IQCH: variants seen among roughly 807,000 people sequenced by gnomAD.
IQCH encodes the protein IQ motif containing H.
In IQCH, 98 loss-of-function variants were observed where a neutral mutation model predicts 117.0. The observed-to-expected ratio is 0.84, with a 90% CI of 0.71 to 0.99. The LOEUF (loss-of-function observed/expected upper bound fraction) is 0.99. Ranked by LOEUF, IQCH falls within the 50% of genes least tolerant of loss-of-function variation. The probability of loss-of-function intolerance (pLI) is 0.00; values close to 1 mark genes in which losing one functional copy is unlikely to be tolerated. For synonymous variants in IQCH, 412 were observed against 448.2 expected, an observed-to-expected ratio of 0.92 and a Z score of 1.02; for missense variants, 1,102 against 1,243.8, an observed-to-expected ratio of 0.89 and a Z score of 1.72.
In IQCH at chr15:67,340,426, C is replaced by CAAAAAAAAAAAAAAAAA. The variant is rs57244130; in HGVS notation, c.508+3353_508+3369dup. Among the ~76,000 whole-genome samples the CAAAAAAAAAAAAAAAAA allele has an allele frequency of 2.6e-4, 16 of 62,658 alleles. 2 individuals are homozygous for CAAAAAAAAAAAAAAAAA. Among genetic ancestry groups the CAAAAAAAAAAAAAAAAA allele is most frequent in the African/African-American group, 6.5e-4 (10 of 15,444 alleles). The allele number at this position is 62,658 out of a possible 152,430, so 41.1% of individuals were successfully genotyped here. A position where few individuals can be genotyped will look rare whatever the true frequency, so the allele number is the denominator to read the frequency against. On this transcript the variant is annotated intron_variant, in intron 5 of 20. Transcript: ENST00000335894. ...TGGGCAACAGAGAGATACTCCATCT[C>CAAAAAAAAAAAAAAAAA]AAAAAAAAAAAAAAAAAAAAAAAAA... is the stretch of plus-strand genomic sequence containing the variant.
At position 67,357,812 on chromosome 15, in the gene IQCH, T is replaced by C. The variant is rs190892049; in HGVS notation, c.714+391T>C. On this transcript the variant is annotated intron_variant, in intron 7 of 20. Coordinates refer to ENST00000335894, the MANE Select transcript of IQCH (RefSeq NM_001031715.3). Reference sequence around the variant, plus strand: ...GCTAAAAAGGCAAGATCTCCAAACATAGAATACCTTAATGAAGCAGGGGAA... The same window carrying C: ...GCTAAAAAGGCAAGATCTCCAAACACAGAATACCTTAATGAAGCAGGGGAA... 2.0e-3 allele frequency among the ~76,000 whole-genome samples: 301 copies of C among 152,124 alleles called. 1 individual carries two copies. Among genetic ancestry groups the C allele is most frequent in the African/African-American group, 6.7e-3 (276 of 41,492 alleles).
intron 2 of IQCH, 114 bp from the exon 3 acceptor site, chr15:67,263,008 G>C: frequency 1.5e-6 from 1 of 685,560 alleles, no homozygotes; most frequent in Non-Finnish European, 2.6e-6. Flanking sequence ...ATAATACATA[G>C]CATGTTGTGG....
rs1460971887 is a variant in IQCH, at chr15:67,405,110, A to G, written c.2097+4805A>G. On this transcript the variant is annotated intron_variant, in intron 14 of 20. Transcript: ENST00000335894. This position sits in a 1 kb window ranked among gnomAD's most constrained non-coding sequence, Gnocchi z 4.8. The stretch of plus-strand genomic sequence containing the variant: ...TACTAGCAAGGGATATTCTTTTTTC[A>G]TGTCCTTATTATTTGTGTTTTATAT... 1.3e-5 allele frequency: 2 copies of G among 152,022 alleles called. No homozygotes were observed. Among genetic ancestry groups the G allele is most frequent in the Non-Finnish European group, 2.9e-5 (2 of 67,986 alleles). 9.4% of individuals were successfully genotyped at this position (152,022 alleles called of 1,614,324 possible). A position where few individuals can be genotyped will look rare whatever the true frequency, so the allele number is the denominator to read the frequency against.
At position 67,494,223 on chromosome 15, in the gene IQCH, G is replaced by C. The variant is rs1008301222; in HGVS notation, c.2862-35G>C. 1 of 1,487,412 alleles carries C rather than the reference G, an allele frequency of 6.7e-7. No homozygotes were observed. The highest frequency in any genetic ancestry group is 2.3e-5 in the East Asian group (1 of 42,958). The allele number at this position is 1,487,412 out of a possible 1,614,324, so 92.1% of individuals were successfully genotyped here. ...TGTTTTTAAGCATGTGAAGGGAATC[G>C]TTGGTAAACTCATTTGTTTGGATAT... On this transcript the variant is annotated intron_variant, in intron 19 of 20. Transcript: ENST00000335894. The surrounding 1 kb of genome is among the most constrained non-coding windows in gnomAD (Gnocchi z 5.5).
chr15:67,337,143 G>C (rs1425593051), intron 5 of IQCH, 48 bp downstream of exon 5: 2 of 1,605,434 alleles, frequency 1.2e-6, no homozygotes, highest in African/African-American at 1.3e-5. Flanking sequence ...GGAAAAGAAA[G>C]AGCATTGAGG....
At chr15:67,451,799 G>A (rs1276332660) in intron 16 of IQCH, among the ~76,000 whole-genome samples, 1 of 152,134 alleles carries the variant, frequency 6.6e-6, no homozygotes, top group Non-Finnish European at 1.5e-5. Flanking sequence ...CTGTCTCGTC[G>A]ATCTGTCTAA....
At chr15:67,310,100 T>C (rs990093697) in intron 4 of IQCH, among the ~76,000 whole-genome samples, 1 of 124,864 alleles carries the variant, frequency 8.0e-6, no homozygotes, top group Non-Finnish European at 1.8e-5. Flanking sequence ...AAGTGAGTAA[T>C]AGGATTTAAT....
chr15:67,389,456 G>C (rs1175020450), intron 12 of IQCH, among the ~76,000 whole-genome samples: 1 of 152,000 alleles, frequency 6.6e-6, no homozygotes, highest in Admixed American at 6.6e-5. Flanking sequence ...ATATCAGATG[G>C]TTCCTAATGA....
In IQCH at chr15:67,413,070, GGTGTGTGTGTGT is replaced by G. The variant is rs35806920; in HGVS notation, c.2098-3842_2098-3831del. Reference sequence around the variant, plus strand: ...ATTGGAGTGTTTGTCTGTTATGGAAGGTGTGTGTGTGTGTGTGTGTGTGTGTGTGTCTGTGTG... The same window carrying G: ...ATTGGAGTGTTTGTCTGTTATGGAAGGTGTGTGTGTGTGTGTGTCTGTGTG... On this transcript the variant is annotated intron_variant, in intron 14 of 20. Transcript: ENST00000335894. This position sits in a 1 kb window ranked among gnomAD's most constrained non-coding sequence, Gnocchi z 5.0. 1.3e-4 allele frequency among the ~76,000 whole-genome samples: 19 copies of G among 147,864 alleles called. No individual in the cohort carries two copies. The highest frequency in any genetic ancestry group is 4.5e-4 in the African/African-American group (18 of 40,412).
intron 4 of IQCH, among the ~76,000 whole-genome samples, chr15:67,306,655 C>G (rs1178726987): frequency 6.6e-6 from 1 of 152,050 alleles, no homozygotes; most frequent in Non-Finnish European, 1.5e-5. Context: ...ATACCCCCTG[C>G]CACACACACA....
intron 4 of IQCH, among the ~76,000 whole-genome samples, chr15:67,325,855 A>G (rs1968382394): frequency 6.6e-6 from 1 of 152,188 alleles, no homozygotes; most frequent in Admixed American, 6.5e-5. Flanking sequence ...AGTATGTGCC[A>G]TAGACTTTTA....
Position 67,475,702 on chromosome 15 carries a change from G to A in IQCH, c.2683G>A (p.Ala895Thr), listed in dbSNP as rs1567219322. Reference sequence around the variant, plus strand: ...CAGTTGTGCTCCTTTCCAGATGCTGGCAACCAGTCGCTATGCAGTGATGAC... The same window carrying A: ...CAGTTGTGCTCCTTTCCAGATGCTGACAACCAGTCGCTATGCAGTGATGAC... ...CMSALSMPML[A>T]TSRYAVMTTQ... Residue 895 changes from alanine to threonine, a missense_variant, in exon 18 of 21, where the codon GCA (alanine) becomes ACA (threonine). By Grantham distance (58) the Ala-to-Thr change is moderately conservative (BLOSUM62 0). This residue lies in a region of IQCH where 650 missense variants were observed against 794.3 expected (regional missense o/e 0.82). Transcript: ENST00000335894. This position sits in a 1 kb window ranked among gnomAD's most constrained non-coding sequence, Gnocchi z 5.7. 6.2e-7 allele frequency: 1 copy of A among 1,613,734 alleles called. No homozygotes were observed. The highest frequency in any genetic ancestry group is 8.5e-7 in the Non-Finnish European group (1 of 1,179,818).
chr15:67,281,570 G>T (rs1966358085), intron 4 of IQCH: 1 of 382,248 alleles, frequency 2.6e-6, no homozygotes, highest in Non-Finnish European at 5.2e-6. Flanking sequence ...AGAGAGAATA[G>T]ATGGCAAATG....
chr15:67,400,359 G>A, intron 14 of IQCH, 54 bp downstream of exon 14: 2 of 1,334,866 alleles, frequency 1.5e-6, no homozygotes, highest in South Asian at 1.2e-5. Context: ...GTTAGGGGAC[G>A]AAGCAAAAAG....
chr15:67,414,654 CA>C (rs75110547), intron 14 of IQCH, among the ~76,000 whole-genome samples: 1,488 of 135,884 alleles, frequency 0.011, 23 homozygotes, highest in African/African-American at 0.038. Context: ...TCCCCAACAC[CA>C]AAAAAAAAAT....
rs1969203328 is a variant in IQCH at position 67,342,140 on chromosome 15, T to C, written c.509-1923T>C. Among the ~76,000 whole-genome samples, 2 of 150,738 alleles carry C rather than the reference T, an allele frequency of 1.3e-5. No individual in the cohort carries two copies. Among genetic ancestry groups the C allele is most frequent in the African/African-American group, 4.9e-5 (2 of 41,010 alleles). On this transcript the variant is annotated intron_variant, in intron 5 of 20. Coordinates refer to ENST00000335894, the MANE Select transcript of IQCH (RefSeq NM_001031715.3). This position sits in a 1 kb window ranked among gnomAD's most constrained non-coding sequence, Gnocchi z 4.7. ...AAAAAAAAGCCAGACATGATGGTGC[T>C]ATTCCAATAGTTTAAGCTACCAAGG...
chr15:67,314,162 C>T (rs1251198065), intron 4 of IQCH, among the ~76,000 whole-genome samples: 1 of 152,092 alleles, frequency 6.6e-6, no homozygotes, highest in East Asian at 1.9e-4. Context: ...ATCCCTGATC[C>T]CTACTTCTCA....
chr15:67,302,050 C>T (rs1009776564), intron 4 of IQCH, among the ~76,000 whole-genome samples: 19 of 152,064 alleles, frequency 1.2e-4, no homozygotes, highest in Admixed American at 1.2e-3. Context: ...TGTATTTGGC[C>T]ATTTCCTCCC....
chr15:67,437,656 C>T (rs571474340), intron 16 of IQCH, among the ~76,000 whole-genome samples: 40 of 152,128 alleles, frequency 2.6e-4, no homozygotes, highest in South Asian at 6.2e-4. Context: ...AAAAATGATA[C>T]AAGAAATGAA....
Sources: gnomAD v4.1 joint callset for allele counts (sites outside exome capture counted in the v4.1 genomes callset) on GRCh38, gnomAD v4.1.1 for gene constraint, gnomAD v4.1.1 regional missense constraint, Gnocchi (gnomAD v3.1) non-coding constraint, MANE v1.5 for transcripts, NCBI Gene and HGNC (gene_info 2026-07-23, HGNC 2026-07-21) for gene names.